The following OR52N2 variants were observed in gnomAD, a reference collection of about 807,000 sequenced individuals.
OR52N2 encodes the protein olfactory receptor 52N2.
For synonymous variants in OR52N2, 129 were observed against 72.0 expected (o/e 1.79, Z -4.01); for missense variants, 326 against 196.6 (o/e 1.66, Z -3.94).
intron 1 of OR52N2, among the ~76,000 whole-genome samples, chr11:5,814,232 T>C (rs1172749704): frequency 6.6e-6 from 1 of 152,114 alleles, no homozygotes; most frequent in Non-Finnish European, 1.5e-5. Flanking sequence ...TTGTTCACCG[T>C]TGAAATGATC....
At chr11:5,815,878 ATGTG>A (rs140371507) in intron 1 of OR52N2, among the ~76,000 whole-genome samples, 37,685 of 151,470 alleles carry the variant, frequency 0.25, 4,661 homozygotes, top group Middle Eastern at 0.32. Context: ...TGTAGTATGT[ATGTG>A]TATGTGTGTA....
intron 1 of OR52N2, among the ~76,000 whole-genome samples, chr11:5,820,035 G>C (rs1481031803): frequency 6.6e-6 from 1 of 152,180 alleles, no homozygotes; most frequent in Non-Finnish European, 1.5e-5. Flanking sequence ...TACAGTATAA[G>C]AGTTGTGCTG....
chr11:5,813,069 T>C (rs1292004439), intron 1 of OR52N2, among the ~76,000 whole-genome samples: 1 of 151,788 alleles, frequency 6.6e-6, no homozygotes, highest in African/African-American at 2.4e-5. Context: ...ATGAAAGCAG[T>C]TCTACAAGGA....
At chr11:5,815,640 C>T (rs1050739453) in intron 1 of OR52N2, among the ~76,000 whole-genome samples, 3 of 152,064 alleles carry the variant, frequency 2.0e-5, no homozygotes, top group African/African-American at 7.2e-5. Context: ...ATGTAAAATG[C>T]TACAGCTGCG....
chr11:5,819,068 G>A lies in OR52N2; in HGVS notation c.-54-1214G>A, dbSNP rs139779965. The stretch of plus-strand genomic sequence containing the variant: ...GAATGTTTCGGTCACAGAACTCTAA[G>A]CCTTGTGGATTCACAACCATGTAAT... On this transcript the variant is annotated intron_variant, in intron 1 of 1. Transcript: ENST00000317037. Among the ~76,000 whole-genome samples, 103 of 152,266 alleles carry A rather than the reference G, an allele frequency of 6.8e-4. 1 individual carries two copies. In the East Asian group the frequency reaches 0.017, roughly 26 times the overall value.
At chr11:5,810,927 T>C (rs1425730963) in intron 1 of OR52N2, among the ~76,000 whole-genome samples, 1 of 152,068 alleles carries the variant, frequency 6.6e-6, no homozygotes, top group East Asian at 1.9e-4. Context: ...ATGAAAAGGT[T>C]TAAGAAGATG....
intron 1 of OR52N2, among the ~76,000 whole-genome samples, chr11:5,809,875 G>A (rs1846341418): frequency 6.6e-6 from 1 of 152,160 alleles, no homozygotes; most frequent in South Asian, 2.1e-4. Context: ...TCATGCAGGA[G>A]AGGCTATCAC....
At chr11:5,817,379 T>C (rs1457238020) in intron 1 of OR52N2, among the ~76,000 whole-genome samples, 2 of 152,048 alleles carry the variant, frequency 1.3e-5, no homozygotes, top group Non-Finnish European at 2.9e-5. Flanking sequence ...AAAAAAAAGT[T>C]TGCAAATACA....
intron 1 of OR52N2, 43 bp from the exon 2 acceptor site, chr11:5,820,239 G>T: frequency 1.4e-6 from 1 of 697,486 alleles, no homozygotes; most frequent in Non-Finnish European, 2.6e-6. Context: ...GTCCAAACCA[G>T]TACCTCTTAT....
chr11:5,819,817 T>C (rs1464623916), intron 1 of OR52N2, among the ~76,000 whole-genome samples: 1 of 152,208 alleles, frequency 6.6e-6, no homozygotes, highest in African/African-American at 2.4e-5. Flanking sequence ...AAAGTGCTAA[T>C]ATTTGAGATA....
At chr11:5,819,021 A>G (rs1258351389) in intron 1 of OR52N2, among the ~76,000 whole-genome samples, 5 of 152,212 alleles carry the variant, frequency 3.3e-5, no homozygotes, top group African/African-American at 1.2e-4. Context: ...GCCAGTGGAC[A>G]TGACAACTGC....
At chr11:5,815,482 C>T (rs1292419008) in intron 1 of OR52N2, among the ~76,000 whole-genome samples, 1 of 152,026 alleles carries the variant, frequency 6.6e-6, no homozygotes, top group African/African-American at 2.4e-5. Flanking sequence ...AGACACTGGA[C>T]ATCAGTAATC....
At chr11:5,810,498 A>T (rs1307488746) in intron 1 of OR52N2, among the ~76,000 whole-genome samples, 1 of 127,390 alleles carries the variant, frequency 7.8e-6, no homozygotes, top group Non-Finnish European at 1.7e-5. Flanking sequence ...AAATGAAGCA[A>T]AAACGCAAAG....
At chr11:5,809,154 G>A (rs1449334650) in intron 1 of OR52N2, among the ~76,000 whole-genome samples, 100 bp downstream of exon 1, 2 of 152,162 alleles carry the variant, frequency 1.3e-5, no homozygotes, top group South Asian at 4.1e-4. Flanking sequence ...AATGCTCAGT[G>A]CCGCAAAGTG....
chr11:5,810,969 A>T (rs888242708), intron 1 of OR52N2, among the ~76,000 whole-genome samples: 1 of 151,906 alleles, frequency 6.6e-6, no homozygotes, highest in Non-Finnish European at 1.5e-5. Flanking sequence ...GGAGATAAAA[A>T]TTTTTTTATT....
intron 1 of OR52N2, among the ~76,000 whole-genome samples, chr11:5,811,212 T>A (rs913255435): frequency 6.6e-6 from 1 of 152,000 alleles, no homozygotes; most frequent in African/African-American, 2.4e-5. Context: ...AAAAACAGGA[T>A]GCTGATTAGT....
chr11:5,814,770 A>G (rs1314827632), intron 1 of OR52N2, among the ~76,000 whole-genome samples: 1 of 152,172 alleles, frequency 6.6e-6, no homozygotes, highest in Non-Finnish European at 1.5e-5. Context: ...AGCCAAAGCA[A>G]TCTTGAACAA....
In OR52N2 at chr11:5,809,011, C is replaced by T. The variant is rs999463546; in HGVS notation, c.-98C>T. ...CAATGGGTGGGTCCCGATCTCCCCT[C>T]CCTGAGACTACCGCAACGGGGCATT... On this transcript the variant is annotated 5_prime_UTR_variant, in exon 1 of 2. Coordinates refer to ENST00000317037, the MANE Select transcript of OR52N2 (RefSeq NM_001005174.3). 6.6e-6 allele frequency among the ~76,000 whole-genome samples: 1 copy of T among 152,074 alleles called. No individual in the cohort carries two copies. Among genetic ancestry groups the T allele is most frequent in the African/African-American group, 2.4e-5 (1 of 41,404 alleles).
chr11:5,819,469 C>A (rs914717830), intron 1 of OR52N2, among the ~76,000 whole-genome samples: 7 of 152,116 alleles, frequency 4.6e-5, no homozygotes, highest in African/African-American at 1.7e-4. Context: ...GGATAGGGAA[C>A]TTGTGAAAAG....
Sources: allele counts gnomAD v4.1 joint callset (sites outside exome capture counted in the v4.1 genomes callset), GRCh38; gene constraint gnomAD v4.1.1; transcripts MANE v1.5; gene names NCBI Gene and HGNC (gene_info 2026-07-23, HGNC 2026-07-21).